Variants in FKBP5 observed in about 807,000 individuals in gnomAD.
FKBP5 encodes the protein FKBP prolyl isomerase 5, also known as peptidyl-prolyl cis-trans isomerase FKBP5.
In FKBP5, 23 loss-of-function variants were observed where a neutral mutation model predicts 50.5. The observed-to-expected ratio is 0.46, with a 90% CI of 0.33 to 0.65. The LOEUF is 0.65. Among genes scored for constraint, FKBP5 ranks in the 30% least tolerant of loss-of-function variants. The pLI is 0.02. For synonymous variants in FKBP5, 176 were observed against 190.6 expected (o/e 0.92, Z 0.63); for missense variants, 411 against 553.1 (o/e 0.74, Z 2.58).
intron 3 of FKBP5, among the ~76,000 whole-genome samples, chr6:35,636,777 C>T (rs1764319171): frequency 6.6e-6 from 1 of 152,002 alleles, no homozygotes; most frequent in Admixed American, 6.6e-5. Context: ...ACCATCAGTG[C>T]AAATAAATGT....
chr6:35,651,785 A>AT (rs373382102), intron 1 of FKBP5: 54 of 268,966 alleles, frequency 2.0e-4, no homozygotes, highest in African/African-American at 1.1e-3. Context: ...AGGTACACAA[A>AT]TTTTATTTAA....
At chr6:35,683,120 ATGTGTG>A (rs35830022) in intron 1 of FKBP5, among the ~76,000 whole-genome samples, 9,127 of 80,136 alleles carry the variant, frequency 0.11, 355 homozygotes, top group South Asian at 0.13. Flanking sequence ...ATATACGTAT[ATGTGTG>A]TGTGTGTGTG....
chr6:35,691,356 G>A (rs576631536), upstream of FKBP5, among the ~76,000 whole-genome samples: 4 of 152,254 alleles, frequency 2.6e-5, no homozygotes, highest in African/African-American at 9.6e-5. Context: ...CCAGGCAGGA[G>A]GGGACAGCGT....
At chr6:35,644,259 T>C (rs1441726455) in intron 1 of FKBP5, among the ~76,000 whole-genome samples, 1 of 152,154 alleles carries the variant, frequency 6.6e-6, no homozygotes, top group African/African-American at 2.4e-5. Flanking sequence ...GCTCCCTGTT[T>C]GGGCAGGGAA....
chr6:35,639,056 A>G (rs1015365180), intron 2 of FKBP5, among the ~76,000 whole-genome samples: 2 of 152,200 alleles, frequency 1.3e-5, no homozygotes, highest in Non-Finnish European at 2.9e-5. Context: ...TTAAGAACAC[A>G]ATCTAGGTTC....
At chr6:35,653,459 C>T (rs780673573) in intron 1 of FKBP5, among the ~76,000 whole-genome samples, 9 of 152,106 alleles carry the variant, frequency 5.9e-5, no homozygotes, top group African/African-American at 1.7e-4. Flanking sequence ...TTCATATTGA[C>T]GATACATATG....
chr6:35,675,306 C>T (rs949609708), intron 1 of FKBP5, among the ~76,000 whole-genome samples: 5 of 152,228 alleles, frequency 3.3e-5, no homozygotes, highest in East Asian at 1.9e-4. Flanking sequence ...CCGGATTCTA[C>T]GGATTCTACA....
chr6:35,650,569 G>A (rs1764771878), intron 1 of FKBP5, among the ~76,000 whole-genome samples: 1 of 152,058 alleles, frequency 6.6e-6, no homozygotes, highest in African/African-American at 2.4e-5. Context: ...CGCCTCCTAG[G>A]TTCAAATGAT....
intron 1 of FKBP5, among the ~76,000 whole-genome samples, chr6:35,664,031 C>A (rs894783894): frequency 6.6e-6 from 1 of 152,154 alleles, no homozygotes; most frequent in Non-Finnish European, 1.5e-5. Flanking sequence ...CTGGAGCCTG[C>A]ACTCTAACTA....
intron 6 of FKBP5, among the ~76,000 whole-genome samples, chr6:35,591,656 A>G (rs986887561): frequency 2.0e-5 from 3 of 152,122 alleles, no homozygotes; most frequent in Non-Finnish European, 4.4e-5. Context: ...TACTCACGGG[A>G]GGTATGTTTT....
chr6:35,656,934 G>A (rs12197246), intron 1 of FKBP5, among the ~76,000 whole-genome samples: 21,721 of 148,734 alleles, frequency 0.15, 2,001 homozygotes, highest in Non-Finnish European at 0.2. Flanking sequence ...AAAAAAAGCC[G>A]GGCACGGTGG....
At chr6:35,615,417 T>A (rs1763621782) in intron 5 of FKBP5, among the ~76,000 whole-genome samples, 1 of 151,938 alleles carries the variant, frequency 6.6e-6, no homozygotes, top group African/African-American at 2.4e-5. Flanking sequence ...AGATGAGCCA[T>A]GAGTGTCTTG....
intron 1 of FKBP5, among the ~76,000 whole-genome samples, chr6:35,647,679 A>G (rs936089770): frequency 6.6e-6 from 1 of 152,248 alleles, no homozygotes; most frequent in Non-Finnish European, 1.5e-5. Flanking sequence ...GAAAAAGCAG[A>G]AACTGTGTTT....
chr6:35,705,934 A>G (rs979609379), intron 2 of FKBP5, among the ~76,000 whole-genome samples: 1 of 152,108 alleles, frequency 6.6e-6, no homozygotes, highest in Admixed American at 6.6e-5. Context: ...ACATGGCACA[A>G]CCCCGTCTCT....
chr6:35,662,348 C>T (rs1765091529), intron 1 of FKBP5, among the ~76,000 whole-genome samples: 1 of 151,470 alleles, frequency 6.6e-6, no homozygotes, highest in African/African-American at 2.4e-5. Flanking sequence ...AGTCATGGCT[C>T]ACTACAGCCT....
intron 3 of FKBP5, among the ~76,000 whole-genome samples, chr6:35,622,924 C>T (rs1277379468): frequency 6.6e-6 from 1 of 152,156 alleles, no homozygotes; most frequent in Non-Finnish European, 1.5e-5. Context: ...ACAGTACTTG[C>T]CATATATTAA....
At chr6:35,619,054 C>T (rs1581821582) in intron 5 of FKBP5, 42 bp downstream of exon 5, 1 of 1,364,484 alleles carries the variant, frequency 7.3e-7, no homozygotes, top group East Asian at 2.3e-5. Flanking sequence ...ACATAAATGG[C>T]CCAACTTTTA....
In FKBP5 at chr6:35,678,839, T is replaced by A. The variant is rs572781402; in HGVS notation, c.-20+9965A>T. 7.9e-5 allele frequency among the ~76,000 whole-genome samples: 12 copies of A among 152,284 alleles called. No individual in the cohort carries two copies. In the East Asian group the frequency reaches 2.3e-3, roughly 29 times the overall value. The stretch of plus-strand genomic sequence containing the variant: ...GCTCATGCCTGTAATCCTAACACTC[T>A]GGGAGGCCAAGGCAAGAAGACAGCT... On this transcript the variant is annotated intron_variant, in intron 1 of 10. Coordinates refer to ENST00000357266, the MANE Select transcript of FKBP5 (RefSeq NM_004117.4).
intron 6 of FKBP5, 116 bp from the exon 7 acceptor site, chr6:35,591,336 C>T: frequency 7.8e-6 from 5 of 639,718 alleles, no homozygotes; most frequent in Non-Finnish European, 1.4e-5. Flanking sequence ...GTGTCAGAGA[C>T]CCTGAAGACA....
Sources: allele counts gnomAD v4.1 joint callset (sites outside exome capture counted in the v4.1 genomes callset), GRCh38; gene constraint gnomAD v4.1.1; transcripts MANE v1.5; gene names NCBI Gene and HGNC (gene_info 2026-07-23, HGNC 2026-07-21).